Variants in MAST4 observed in about 807,000 individuals in gnomAD.
MAST4 encodes microtubule-associated serine/threonine-protein kinase 4.
In MAST4, 89 loss-of-function variants were observed where a neutral mutation model predicts 162.7. The observed-to-expected ratio is 0.55, with a 90% CI of 0.46 to 0.65. The LOEUF is 0.65. MAST4 is among the 30% of genes least tolerant of loss of function. The probability of loss-of-function intolerance (pLI) is 0.00; values close to 1 mark genes in which losing one functional copy is unlikely to be tolerated. For missense variants in MAST4, 3,153 were observed against 3,374.0 expected (o/e 0.93, Z 1.62); for synonymous variants, 1,479 against 1,361.1 (o/e 1.09, Z -1.91).
At chr5:66,715,878 C>T (rs1429839596) in intron 1 of MAST4, among the ~76,000 whole-genome samples, 1 of 151,842 alleles carries the variant, frequency 6.6e-6, no homozygotes, top group Admixed American at 6.6e-5. Flanking sequence ...TACTTTAATG[C>T]TTTAACTTTT....
intron 4 of MAST4, among the ~76,000 whole-genome samples, chr5:66,991,599 A>T (rs1480252527): frequency 6.6e-6 from 1 of 152,188 alleles, no homozygotes; most frequent in Non-Finnish European, 1.5e-5. Context: ...CAGCTCACTG[A>T]AGTATATCCA....
chr5:67,155,316 C>T (rs1772352111), intron 26 of MAST4, among the ~76,000 whole-genome samples: 1 of 152,206 alleles, frequency 6.6e-6, no homozygotes, highest in African/African-American at 2.4e-5. Flanking sequence ...TCCCCACTGG[C>T]TATATGAATC....
chr5:67,049,020 T>TATATATATATAC lies in MAST4; in HGVS notation c.675-5383_675-5382insTATATATATACA, dbSNP rs1561576121. Among the ~76,000 whole-genome samples the TATATATATATAC allele has an allele frequency of 1.6e-4, 16 of 102,888 alleles. 1 individual carries two copies. The highest frequency in any genetic ancestry group is 4.9e-4 in the African/African-American group (12 of 24,556). 67.5% of individuals were successfully genotyped at this position (102,888 alleles called of 152,430 possible). On this transcript the variant is annotated intron_variant, in intron 4 of 28. Coordinates refer to ENST00000403625, the MANE Select transcript of MAST4 (RefSeq NM_001164664.2). Reference sequence around the variant, plus strand: ...ATATATACACACACATATATATATATACGTATATATATATATATATACGTG... The same window carrying TATATATATATAC: ...ATATATACACACACATATATATATATATATATATATACACGTATATATATATATATATACGTG...
In MAST4 at chr5:67,164,163, G is replaced by C. The variant is rs769216561; in HGVS notation, c.4984G>C (p.Glu1662Gln). The change falls in exon 29 of 29, where the codon GAA (glutamate) becomes CAA (glutamine). Residue 1662 changes from glutamate to glutamine, a missense_variant. By Grantham distance (29) the Glu-to-Gln change is conservative. Coordinates refer to ENST00000403625, the MANE Select transcript of MAST4 (RefSeq NM_001164664.2). The surrounding 1 kb of genome is among the most constrained non-coding windows in gnomAD (Gnocchi z 5.3). ...CGACAGGGGCATCTCTGGGAAGGGGGAAGGCACGGAGAAGTCCTCCCAGGC... is the reference window on the plus strand; with the variant it reads ...CGACAGGGGCATCTCTGGGAAGGGGCAAGGCACGGAGAAGTCCTCCCAGGC... ...SLDRGISGKG[E>Q]GTEKSSQAKE... The C allele has an allele frequency of 1.2e-6, 2 of 1,609,870 alleles. No homozygotes were observed. The highest frequency in any genetic ancestry group is 1.7e-6 in the Non-Finnish European group (2 of 1,178,106).
chr5:66,847,601 T>C (rs1177933310), intron 3 of MAST4, among the ~76,000 whole-genome samples: 2 of 151,706 alleles, frequency 1.3e-5, no homozygotes, highest in African/African-American at 4.8e-5. Flanking sequence ...TGCCACTGCA[T>C]TCCAGCCTGG....
intron 4 of MAST4, among the ~76,000 whole-genome samples, chr5:67,007,737 C>G (rs763278337): frequency 7.9e-5 from 12 of 152,138 alleles, no homozygotes; most frequent in African/African-American, 2.9e-4. Context: ...ATCATGGAAA[C>G]TTTTGGTTTG....
At chr5:66,910,533 T>G (rs1483647157) in intron 4 of MAST4, among the ~76,000 whole-genome samples, 2 of 152,156 alleles carry the variant, frequency 1.3e-5, no homozygotes, top group Non-Finnish European at 2.9e-5. Context: ...CTGTGCCATC[T>G]CCTCTGCCAT....
At chr5:66,671,986 T>C (rs1747640391) in intron 1 of MAST4, among the ~76,000 whole-genome samples, 1 of 152,246 alleles carries the variant, frequency 6.6e-6, no homozygotes, top group Admixed American at 6.5e-5. Flanking sequence ...TTCTCCCATT[T>C]TTAGCTCAGA....
chr5:67,048,490 A>T (rs1391313129), intron 4 of MAST4, among the ~76,000 whole-genome samples: 1 of 152,212 alleles, frequency 6.6e-6, no homozygotes, highest in Non-Finnish European at 1.5e-5. Context: ...TGAGGGCAGC[A>T]GTAACATATT....
chr5:66,621,287 G>A (rs972833000), intron 1 of MAST4, among the ~76,000 whole-genome samples: 2 of 152,196 alleles, frequency 1.3e-5, no homozygotes, highest in African/African-American at 4.8e-5. Flanking sequence ...CAACTTAAAT[G>A]GCATGTGCCT....
intron 18 of MAST4, among the ~76,000 whole-genome samples, chr5:67,135,250 A>C (rs536036674): frequency 1.3e-5 from 2 of 152,224 alleles, no homozygotes; most frequent in East Asian, 3.8e-4. Flanking sequence ...ACAGCTGTTC[A>C]TCTTTCATTT....
chr5:66,767,863 A>G (rs1754172409), intron 2 of MAST4, among the ~76,000 whole-genome samples: 1 of 152,096 alleles, frequency 6.6e-6, no homozygotes, highest in Non-Finnish European at 1.5e-5. Flanking sequence ...TAGCCATGCT[A>G]GCAGGTAATT....
At chr5:66,825,903 A>T (rs182110383) in intron 3 of MAST4, among the ~76,000 whole-genome samples, 1 of 152,342 alleles carries the variant, frequency 6.6e-6, no homozygotes, top group Non-Finnish European at 1.5e-5. Context: ...CAATATTGTG[A>T]ATATATTCCA....
intron 4 of MAST4, among the ~76,000 whole-genome samples, chr5:66,974,998 A>G (rs1449082352): frequency 6.6e-6 from 1 of 152,194 alleles, no homozygotes; most frequent in Non-Finnish European, 1.5e-5. Flanking sequence ...TACTTAGGAA[A>G]AAAGGAGTCT....
intron 3 of MAST4, among the ~76,000 whole-genome samples, chr5:66,892,534 CT>C (rs1241472907): frequency 3.3e-5 from 5 of 152,192 alleles, no homozygotes; most frequent in Admixed American, 2.6e-4. Flanking sequence ...CTTTTGCCTT[CT>C]GTATTACTGA....
At position 66,901,829 on chromosome 5, in the gene MAST4, A is replaced by G. The variant is rs768710855; in HGVS notation, c.674+1847A>G. Among the ~76,000 whole-genome samples the G allele has an allele frequency of 3.3e-5, 5 of 151,084 alleles. No homozygotes were observed. In the South Asian group the frequency reaches 6.2e-4, roughly 19 times the overall value. On this transcript the variant is annotated intron_variant, in intron 4 of 28. Coordinates refer to ENST00000403625, the MANE Select transcript of MAST4 (RefSeq NM_001164664.2). ...TAATGATGCCTCATATAGCTGTGCTAGAACCCAGTGTCACTCAGCATTTTT... is the reference window on the plus strand; with the variant it reads ...TAATGATGCCTCATATAGCTGTGCTGGAACCCAGTGTCACTCAGCATTTTT...
intron 1 of MAST4, among the ~76,000 whole-genome samples, chr5:66,649,132 G>A (rs1746050490): frequency 6.6e-6 from 1 of 152,092 alleles, no homozygotes; most frequent in Non-Finnish European, 1.5e-5. Flanking sequence ...AGTGTTTCAT[G>A]GAAGCCATTG....
chr5:67,051,575 ACTGT>A (rs1184638325), intron 4 of MAST4, among the ~76,000 whole-genome samples: 1 of 152,142 alleles, frequency 6.6e-6, no homozygotes, highest in Non-Finnish European at 1.5e-5. Flanking sequence ...AGATTAGGTG[ACTGT>A]CAGATATCCC....
intron 2 of MAST4, among the ~76,000 whole-genome samples, chr5:66,784,247 C>T (rs1353169773): frequency 6.6e-6 from 1 of 152,038 alleles, no homozygotes; most frequent in Non-Finnish European, 1.5e-5. Context: ...GCCAGTTTGC[C>T]ATGCAAGAAT....
Sources: allele counts gnomAD v4.1 joint callset (sites outside exome capture counted in the v4.1 genomes callset), GRCh38; gene constraint gnomAD v4.1.1; non-coding constraint Gnocchi (gnomAD v3.1); transcripts MANE v1.5; gene names NCBI Gene and HGNC (gene_info 2026-07-23, HGNC 2026-07-21).